Variants in BABAM2 observed in about 807,000 individuals in gnomAD.
BABAM2 encodes BRISC and BRCA1-A complex member 2.
In BABAM2, 31 loss-of-function variants were observed where a neutral mutation model predicts 54.7. That is an observed-to-expected ratio of 0.57 (90% CI 0.43 to 0.77). The LOEUF (loss-of-function observed/expected upper bound fraction) is 0.77. Among genes scored for constraint, BABAM2 ranks in the 30% least tolerant of loss-of-function variants. The pLI, the probability that BABAM2 is intolerant of heterozygous loss-of-function variation, is 0.00. For missense variants in BABAM2, 364 were observed against 455.8 expected (o/e 0.80, Z 1.83); for synonymous variants, 167 against 162.9 (o/e 1.03, Z -0.19).
At position 27,987,974 on chromosome 2, in the gene BABAM2, T is replaced by C; in HGVS notation, c.206-19T>C. On this transcript the variant is annotated intron_variant, in intron 3 of 11. Transcript: ENST00000379624. ...TTAGAAAGGAAATAAAAAGGACCTG[T>C]CATTTTCTTTTATTTCAGGGGATAT... 6.3e-7 allele frequency: 1 copy of C among 1,580,296 alleles called. No homozygotes were observed.
chr2:28,027,085 T>C (rs1249875819), intron 5 of BABAM2, among the ~76,000 whole-genome samples: 1 of 146,962 alleles, frequency 6.8e-6, no homozygotes, highest in African/African-American at 2.5e-5. Context: ...CATCATTAAT[T>C]TTGTCTGTTC....
chr2:28,257,315 T>A (rs1276665214), intron 10 of BABAM2, among the ~76,000 whole-genome samples: 1 of 152,166 alleles, frequency 6.6e-6, no homozygotes, highest in Non-Finnish European at 1.5e-5. Context: ...CATTTTCTAT[T>A]ATGTTAAAAA....
chr2:28,258,440 T>A (rs1403436055), intron 10 of BABAM2, among the ~76,000 whole-genome samples: 1 of 152,168 alleles, frequency 6.6e-6, no homozygotes, highest in Admixed American at 6.6e-5. Context: ...CAACTCTTGA[T>A]ATTGTCATTC....
At chr2:28,125,215 A>G (rs1669403393) in intron 6 of BABAM2, among the ~76,000 whole-genome samples, 1 of 152,196 alleles carries the variant, frequency 6.6e-6, no homozygotes, top group Admixed American at 6.5e-5. Flanking sequence ...GATGAGGGGA[A>G]GCAGGCTTAT....
At position 28,101,466 on chromosome 2, in the gene BABAM2, T is replaced by G. The variant is rs762963096; in HGVS notation, c.571-27805T>G. Among the ~76,000 whole-genome samples, 28 of 152,186 alleles carry G rather than the reference T, an allele frequency of 1.8e-4. 1 individual carries two copies. The highest frequency in any genetic ancestry group is 3.5e-4 in the Non-Finnish European group (24 of 68,034). ...CAAATTCTTGTCACTGAGATGATGATAATTTTAATGCTCCTCTGCCTAGTT... is the reference window on the plus strand; with the variant it reads ...CAAATTCTTGTCACTGAGATGATGAGAATTTTAATGCTCCTCTGCCTAGTT... On this transcript the variant is annotated intron_variant, in intron 6 of 11. Coordinates refer to ENST00000379624, the MANE Select transcript of BABAM2 (RefSeq NM_199191.3).
chr2:27,921,351 T>C (rs980573420), intron 2 of BABAM2, among the ~76,000 whole-genome samples: 1 of 152,192 alleles, frequency 6.6e-6, no homozygotes, highest in East Asian at 1.9e-4. Context: ...TTTTTCTAGG[T>C]ACTTAATAAA....
intron 6 of BABAM2, among the ~76,000 whole-genome samples, chr2:28,062,287 C>T (rs1290031798): frequency 2.7e-5 from 4 of 149,866 alleles, no homozygotes; most frequent in African/African-American, 2.5e-5. Flanking sequence ...AAAACCTGGC[C>T]GGGCATGGTG....
chr2:28,099,484 C>T (rs774999155), intron 6 of BABAM2, among the ~76,000 whole-genome samples: 3 of 152,238 alleles, frequency 2.0e-5, no homozygotes, highest in African/African-American at 7.2e-5. Context: ...TCCCTCTTTG[C>T]GTGATGAATT....
intron 11 of BABAM2, among the ~76,000 whole-genome samples, chr2:28,336,050 G>A (rs1691435753): frequency 6.6e-6 from 1 of 152,188 alleles, no homozygotes; most frequent in South Asian, 2.1e-4. Context: ...TGAATGCCAG[G>A]CTGAGAGTTT....
intron 6 of BABAM2, among the ~76,000 whole-genome samples, chr2:28,106,075 G>A (rs1191436796): frequency 6.6e-6 from 1 of 151,338 alleles, no homozygotes; most frequent in African/African-American, 2.4e-5. Context: ...CTGGTGTGAT[G>A]GCCTTCACCT....
intron 6 of BABAM2, among the ~76,000 whole-genome samples, chr2:28,124,219 A>G (rs1010638141): frequency 1.3e-5 from 2 of 152,290 alleles, no homozygotes; most frequent in Non-Finnish European, 1.5e-5. Context: ...CTACTTCTAC[A>G]CTTAGATCAT....
intron 3 of BABAM2, among the ~76,000 whole-genome samples, chr2:27,987,062 G>A (rs1672448818): frequency 6.6e-6 from 1 of 152,228 alleles, no homozygotes; most frequent in African/African-American, 2.4e-5. Context: ...CACATGTTGA[G>A]AACTTACTAT....
chr2:28,049,731 C>T (rs879418273), intron 6 of BABAM2, among the ~76,000 whole-genome samples: 13 of 152,322 alleles, frequency 8.5e-5, no homozygotes, highest in Admixed American at 8.5e-4. Context: ...CTCTGCCAAA[C>T]AGAGGCAGAA....
intron 10 of BABAM2, among the ~76,000 whole-genome samples, chr2:28,264,351 G>C (rs181647588): frequency 6.6e-6 from 1 of 151,698 alleles, no homozygotes; most frequent in Admixed American, 6.6e-5. Flanking sequence ...ATTGAAAAAA[G>C]AAAAAAAACT....
chr2:28,002,184 C>T (rs958158119), intron 4 of BABAM2, among the ~76,000 whole-genome samples: 2 of 152,128 alleles, frequency 1.3e-5, no homozygotes, highest in Non-Finnish European at 2.9e-5. Context: ...CTGCCTTCTG[C>T]TCACGCTGAT....
intron 7 of BABAM2, among the ~76,000 whole-genome samples, chr2:28,184,670 G>A (rs1676086266): frequency 6.6e-6 from 1 of 152,054 alleles, no homozygotes; most frequent in African/African-American, 2.4e-5. Flanking sequence ...TTCTATGGCT[G>A]CGTAGTATTC....
At chr2:27,935,587 T>A (rs1411945904) in intron 3 of BABAM2, among the ~76,000 whole-genome samples, 3 of 152,250 alleles carry the variant, frequency 2.0e-5, no homozygotes, top group Non-Finnish European at 4.4e-5. Context: ...TAAACTTAGT[T>A]GATAAAGCTT....
chr2:28,183,943 A>ATT (rs1313938384), intron 7 of BABAM2, among the ~76,000 whole-genome samples: 1 of 151,954 alleles, frequency 6.6e-6, no homozygotes. Flanking sequence ...GAGTGTTGTT[A>ATT]TTTGCTCATA....
chr2:27,981,432 T>A (rs1378015838), intron 3 of BABAM2, among the ~76,000 whole-genome samples: 1 of 152,154 alleles, frequency 6.6e-6, no homozygotes, highest in Non-Finnish European at 1.5e-5. Flanking sequence ...AGTCACAAAG[T>A]TGTACAACCA....
Sources: gnomAD v4.1 joint callset for allele counts (sites outside exome capture counted in the v4.1 genomes callset) on GRCh38, gnomAD v4.1.1 for gene constraint, MANE v1.5 for transcripts, NCBI Gene and HGNC (gene_info 2026-07-23, HGNC 2026-07-21) for gene names.